The following KIAA0825 variants were observed in gnomAD, a reference collection of about 807,000 sequenced individuals.
KIAA0825 encodes the protein uncharacterized protein KIAA0825.
In KIAA0825, 119 loss-of-function variants were observed where a neutral mutation model predicts 147.6. The observed-to-expected ratio is 0.81, with a 90% CI of 0.69 to 0.94. The LOEUF (loss-of-function observed/expected upper bound fraction) is 0.94, where lower values mean the gene tolerates loss of function less well. Ranked by LOEUF, KIAA0825 falls within the 40% of genes least tolerant of loss-of-function variation. KIAA0825 has a pLI of 0.00. For missense variants in KIAA0825, 1,381 were observed against 1,472.7 expected, an observed-to-expected ratio of 0.94 and a Z score of 1.02; for synonymous variants, 470 against 518.1, an observed-to-expected ratio of 0.91 and a Z score of 1.26.
chr5:94,424,618 A>G (rs1754611611), intron 14 of KIAA0825, among the ~76,000 whole-genome samples: 2 of 152,140 alleles, frequency 1.3e-5, no homozygotes, highest in Admixed American at 1.3e-4. Flanking sequence ...AACTGGAAAA[A>G]CAAGAACACA....
intron 3 of KIAA0825, among the ~76,000 whole-genome samples, chr5:94,531,530 C>A (rs1770806810): frequency 6.6e-6 from 1 of 152,122 alleles, no homozygotes; most frequent in Admixed American, 6.5e-5. Context: ...GCTGCTGAAG[C>A]CCAGGATGCT....
chr5:94,427,739 G>T (rs1755076943), intron 14 of KIAA0825, among the ~76,000 whole-genome samples: 1 of 151,980 alleles, frequency 6.6e-6, no homozygotes, highest in South Asian at 2.1e-4. Context: ...GTCTCATGCT[G>T]TCAGTGGGGT....
intron 20 of KIAA0825, among the ~76,000 whole-genome samples, chr5:94,243,242 A>G (rs1775444153): frequency 6.6e-6 from 1 of 152,222 alleles, no homozygotes; most frequent in South Asian, 2.1e-4. Flanking sequence ...ACTTGGAAAC[A>G]TATGTTTTAA....
chr5:94,263,546 G>C (rs978103838), intron 20 of KIAA0825, among the ~76,000 whole-genome samples: 2 of 152,106 alleles, frequency 1.3e-5, no homozygotes, highest in Admixed American at 1.3e-4. Flanking sequence ...AATGACTCCT[G>C]AGTGTATGTT....
chr5:94,371,142 A>G (rs896696413), intron 20 of KIAA0825, among the ~76,000 whole-genome samples: 1 of 152,104 alleles, frequency 6.6e-6, no homozygotes, highest in African/African-American at 2.4e-5. Flanking sequence ...ATTATAAAAT[A>G]AAAATTTTAA....
chr5:94,390,537 G>C (rs1021377342), intron 18 of KIAA0825, among the ~76,000 whole-genome samples: 3 of 152,150 alleles, frequency 2.0e-5, no homozygotes, highest in African/African-American at 7.2e-5. Flanking sequence ...GTGCCTTAAG[G>C]ACAGGGTCAT....
chr5:94,288,304 C>A (rs757451311), intron 20 of KIAA0825, among the ~76,000 whole-genome samples: 2 of 152,096 alleles, frequency 1.3e-5, no homozygotes, highest in Non-Finnish European at 2.9e-5. Flanking sequence ...TTTTTCCCCC[C>A]ATCTCTGATT....
chr5:94,262,478 G>A (rs946060668), intron 20 of KIAA0825, among the ~76,000 whole-genome samples: 1 of 152,014 alleles, frequency 6.6e-6, no homozygotes, highest in Non-Finnish European at 1.5e-5. Context: ...CCTACACAAA[G>A]ATAAACAAAT....
In KIAA0825 at chr5:94,228,044, A is replaced by G. The variant is rs17083479; in HGVS notation, c.3711-73920T>C. Among the ~76,000 whole-genome samples the G allele has an allele frequency of 9.9e-3, 1,510 of 152,292 alleles. 25 individuals are homozygous for G. Among genetic ancestry groups the G allele is most frequent in the African/African-American group, 0.035 (1,442 of 41,562 alleles). On this transcript the variant is annotated intron_variant, in intron 20 of 20. Transcript: ENST00000682413. ...AGAAACTAGAAGAAAAAAAGGATCT[A>G]GTTAAATGTGTCTTAGTCCATCCAT...
At chr5:94,162,927 C>G (rs1767709165) in intron 20 of KIAA0825, among the ~76,000 whole-genome samples, 1 of 152,098 alleles carries the variant, frequency 6.6e-6, no homozygotes, top group East Asian at 1.9e-4. Context: ...TTTTCACTAC[C>G]AGTATTGAGT....
intron 20 of KIAA0825, among the ~76,000 whole-genome samples, chr5:94,194,787 C>G (rs1194281174): frequency 6.6e-6 from 1 of 152,224 alleles, no homozygotes; most frequent in Non-Finnish European, 1.5e-5. Flanking sequence ...TACTTTGGCT[C>G]TCAGTGATCT....
At chr5:94,336,640 T>A (rs1214812704) in intron 20 of KIAA0825, among the ~76,000 whole-genome samples, 1 of 152,170 alleles carries the variant, frequency 6.6e-6, no homozygotes, top group East Asian at 1.9e-4. Context: ...ATGTGCCACA[T>A]TTTCTTTATC....
At chr5:94,297,807 G>A (rs1356514104) in intron 20 of KIAA0825, among the ~76,000 whole-genome samples, 4 of 151,496 alleles carry the variant, frequency 2.6e-5, no homozygotes, top group African/African-American at 7.3e-5. Context: ...TGTTGGCCAG[G>A]CTGGTCTCAA....
intron 2 of KIAA0825, among the ~76,000 whole-genome samples, chr5:94,554,510 A>G (rs1351897642): frequency 6.6e-6 from 1 of 151,786 alleles, no homozygotes; most frequent in Non-Finnish European, 1.5e-5. Context: ...ATTTAGTCAG[A>G]AAGTAATATT....
At chr5:94,567,014 C>T (rs1181012727) in intron 2 of KIAA0825, among the ~76,000 whole-genome samples, 1 of 152,130 alleles carries the variant, frequency 6.6e-6, no homozygotes. Context: ...AAACCATAAC[C>T]TTTCTCAGTT....
intron 20 of KIAA0825, among the ~76,000 whole-genome samples, chr5:94,367,551 A>C (rs1322301983): frequency 6.6e-6 from 1 of 152,152 alleles, no homozygotes; most frequent in Non-Finnish European, 1.5e-5. Flanking sequence ...GAAAGTGATA[A>C]AGTGATAGAG....
At chr5:94,577,662 G>T (rs1458433187) in intron 2 of KIAA0825, among the ~76,000 whole-genome samples, 1 of 152,028 alleles carries the variant, frequency 6.6e-6, no homozygotes, top group Non-Finnish European at 1.5e-5. Flanking sequence ...TTCACACATA[G>T]GTATATTTCT....
chr5:94,382,237 CTTTCAT>C (rs1386212889), intron 20 of KIAA0825, among the ~76,000 whole-genome samples: 2 of 152,142 alleles, frequency 1.3e-5, no homozygotes, highest in Non-Finnish European at 2.9e-5. Flanking sequence ...GCATATATAA[CTTTCAT>C]TTTAAAAGCT....
At chr5:94,171,344 G>T (rs866417420) in intron 20 of KIAA0825, among the ~76,000 whole-genome samples, 1 of 152,096 alleles carries the variant, frequency 6.6e-6, no homozygotes, top group African/African-American at 2.4e-5. Context: ...CCCCAGCCTT[G>T]TGGAACTGTA....
Sources: allele counts gnomAD v4.1 joint callset (sites outside exome capture counted in the v4.1 genomes callset), GRCh38; gene constraint gnomAD v4.1.1; transcripts MANE v1.5; gene names NCBI Gene and HGNC (gene_info 2026-07-23, HGNC 2026-07-21).